Variants in CYBB observed in about 807,000 individuals in gnomAD.
CYBB encodes NADPH oxidase 2.
CYBB carries 5 observed loss-of-function variants against 46.5 expected under a neutral mutation model. That is an observed-to-expected ratio of 0.11 (90% confidence interval 0.06 to 0.23). CYBB has a LOEUF of 0.23. Ranked by LOEUF, CYBB falls within the 10% of genes least tolerant of loss-of-function variation. CYBB has a pLI of 1.00. For missense variants in CYBB, 307 were observed against 428.3 expected, an observed-to-expected ratio of 0.72 and a Z score of 2.50; for synonymous variants, 183 against 156.7, an observed-to-expected ratio of 1.17 and a Z score of -1.26.
At chrX:37,802,551 T>A (rs999119531) in intron 8 of CYBB, among the ~76,000 whole-genome samples, 4 of 111,741 alleles carry the variant, frequency 3.6e-5, no homozygotes, top group South Asian at 7.3e-4. Flanking sequence ...ATGGTAAAAA[T>A]TTTTTCCACA....
At chrX:37,806,556 C>G in intron 11 of CYBB, 23 bp downstream of exon 11, 1 of 1,197,433 alleles carries the variant, frequency 8.4e-7, no homozygotes, top group Non-Finnish European at 1.1e-6. Flanking sequence ...CTCCAAGGCT[C>G]AGGTCCTTCC....
intron 9 of CYBB, among the ~76,000 whole-genome samples, chrX:37,804,555 G>T (rs1929511961): frequency 9.0e-6 from 1 of 111,395 alleles, no homozygotes; most frequent in East Asian, 2.8e-4. Context: ...AGGTGCTAAA[G>T]AAAGGTTTGA....
At chrX:37,806,636 T>A (rs782027132) in intron 11 of CYBB, 103 bp downstream of exon 11, 93 of 784,757 alleles carry the variant, frequency 1.2e-4, no homozygotes, top group Non-Finnish European at 1.7e-4. Context: ...TTTCTAAGTA[T>A]GTTTAGTGGA....
At chrX:37,794,891 T>G (rs1854673502) in intron 5 of CYBB, among the ~76,000 whole-genome samples, 1 of 111,740 alleles carries the variant, frequency 8.9e-6, no homozygotes, top group African/African-American at 3.3e-5. Flanking sequence ...ATTCTCAGAC[T>G]TACATGAGAA....
chrX:37,803,816 A>G (rs1929496517), intron 8 of CYBB, 61 bp from the exon 9 acceptor site: 1 of 1,159,861 alleles, frequency 8.6e-7, no homozygotes, highest in African/African-American at 1.8e-5. Flanking sequence ...ATCCATATGG[A>G]CACTAAAAAG....
intron 3 of CYBB, among the ~76,000 whole-genome samples, chrX:37,783,865 T>TAC (rs1283433000): frequency 1.4e-4 from 15 of 110,996 alleles, no homozygotes; most frequent in African/African-American, 2.9e-4. Flanking sequence ...CGTACACGTT[T>TAC]ACACACACAC....
rs1929699917 is a variant in CYBB at position 37,812,680 on chromosome X, T to C, written c.*1763T>C. 1 of 111,914 alleles carries C rather than the reference T, an allele frequency of 8.9e-6. No individual in the cohort carries two copies. Among genetic ancestry groups the C allele is most frequent in the Admixed American group, 9.4e-5 (1 of 10,590 alleles). 9.2% of individuals were successfully genotyped at this position (111,914 alleles called of 1,213,427 possible). A position where few individuals can be genotyped will look rare whatever the true frequency, so the allele number is the denominator to read the frequency against. On this transcript the variant is annotated 3_prime_UTR_variant, in exon 13 of 13. Transcript: ENST00000378588. ...AACTAAATAAGAACTCAGTTGTTCT[T>C]TGTCATACTACTATTCCTTTCGTCT...
Position 37,801,310 on chromosome X carries a change from C to A in CYBB, c.859C>A (p.Arg287=). ...MFLYLCERLV[R]FWRSQQKVVI... ...TCTGTATCTCTGTGAGAGGTTGGTGCGGTTTTGGCGATCTCAACAGAAGGT... is the reference window on the plus strand; with the variant it reads ...TCTGTATCTCTGTGAGAGGTTGGTGAGGTTTTGGCGATCTCAACAGAAGGT... The change falls in exon 8 of 13, where the codon CGG becomes AGG. Residue 287 remains arginine (R), a synonymous_variant. Transcript: ENST00000378588. The A allele has an allele frequency of 4.1e-6, 5 of 1,207,239 alleles. No homozygotes were observed. The highest frequency in any genetic ancestry group is 5.6e-6 in the Non-Finnish European group (5 of 892,072).
At chrX:37,808,229 G>A (rs1929603652) in intron 11 of CYBB, among the ~76,000 whole-genome samples, 1 of 111,782 alleles carries the variant, frequency 8.9e-6, no homozygotes, top group Non-Finnish European at 1.9e-5. Flanking sequence ...CAACAGGTTT[G>A]GTTGTCTAGC....
intron 6 of CYBB, among the ~76,000 whole-genome samples, chrX:37,798,544 C>T (rs1338651942): frequency 1.8e-5 from 2 of 111,945 alleles, no homozygotes; most frequent in African/African-American, 3.2e-5. Flanking sequence ...TGATTGAGCC[C>T]TTTGCTTATA....
At chrX:37,802,728 T>A (rs1486820469) in intron 8 of CYBB, among the ~76,000 whole-genome samples, 2 of 112,327 alleles carry the variant, frequency 1.8e-5, no homozygotes, top group Middle Eastern at 4.6e-3. Context: ...GACATTTTTT[T>A]AAAAAAGAAT....
intron 8 of CYBB, 118 bp from the exon 9 acceptor site, chrX:37,803,759 T>G: frequency 1.4e-6 from 1 of 703,713 alleles, no homozygotes; most frequent in South Asian, 2.3e-5. Context: ...ACTCCTGTGT[T>G]GTCCCTAAAG....
Position 37,810,845 on chromosome X carries a change from T to C in CYBB, c.1641T>C (p.Ser547=), listed in dbSNP as rs771661205. The C allele has an allele frequency of 7.5e-6, 9 of 1,206,666 alleles. No homozygotes were observed. In the Admixed American group the frequency reaches 1.3e-4, roughly 18 times the overall value. ...CTGAAGCCTTGGCTGAAACCCTGAGTAAACAAAGCATCTCCAACTCTGAGT... is the reference window on the plus strand; with the variant it reads ...CTGAAGCCTTGGCTGAAACCCTGAGCAAACAAAGCATCTCCAACTCTGAGT... The part of the protein sequence containing the change: ...CGPEALAETL[S]KQSISNSESG... The change falls in exon 13 of 13, where the codon AGT becomes AGC. Residue 547 remains serine, a synonymous_variant. Coordinates refer to ENST00000378588, the MANE Select transcript of CYBB (RefSeq NM_000397.4).
At chrX:37,788,933 GA>G (rs782660664) in intron 3 of CYBB, among the ~76,000 whole-genome samples, 20 of 111,697 alleles carry the variant, frequency 1.8e-4, no homozygotes, top group Non-Finnish European at 3.6e-4. Context: ...TCTCTGCTCA[GA>G]GTATCATAAG....
rs1396223875 is a variant in CYBB at position 37,801,444 on chromosome X, C to T, written c.897+96C>T. 8.7e-5 allele frequency: 52 copies of T among 598,455 alleles called. No individual in the cohort carries two copies. In the Admixed American group the frequency reaches 1.1e-3, roughly 12 times the overall value. The allele number at this position is 598,455 out of a possible 1,213,427, so 49.3% of individuals were successfully genotyped here. The stretch of plus-strand genomic sequence containing the variant: ...CTATATCATTGATCAGATGTTACAA[C>T]AGAGAGAAGACCTACAATTTATTTC... On this transcript the variant is annotated intron_variant, in intron 8 of 12. Transcript: ENST00000378588.
intron 4 of CYBB, among the ~76,000 whole-genome samples, chrX:37,792,366 C>A (rs1372822727): frequency 1.8e-5 from 2 of 111,035 alleles, no homozygotes; most frequent in Non-Finnish European, 3.8e-5. Flanking sequence ...AATGTTAATT[C>A]ACTCATGAAA....
chrX:37,792,181 T>G, intron 4 of CYBB, 122 bp downstream of exon 4: 1 of 510,323 alleles, frequency 2.0e-6, no homozygotes, highest in South Asian at 2.7e-5. Context: ...TTGTATTTTT[T>G]TAATGAGTTT....
chrX:37,783,437 G>T (rs908398621), intron 2 of CYBB, 53 bp from the exon 3 acceptor site: 1 of 790,930 alleles, frequency 1.3e-6, no homozygotes, highest in African/African-American at 2.0e-5. Context: ...GTGGGGACAG[G>T]GCATATTCTG....
intron 12 of CYBB, among the ~76,000 whole-genome samples, chrX:37,810,538 G>A (rs1287787021): frequency 8.9e-6 from 1 of 112,292 alleles, no homozygotes; most frequent in Non-Finnish European, 1.9e-5. Flanking sequence ...TGTGATAGAA[G>A]TTTCCAAAAA....
Sources: allele counts gnomAD v4.1 joint callset (sites outside exome capture counted in the v4.1 genomes callset), GRCh38; gene constraint gnomAD v4.1.1; transcripts MANE v1.5; gene names NCBI Gene and HGNC (gene_info 2026-07-23, HGNC 2026-07-21).